Variants in HS3ST3A1 observed in about 807,000 individuals in gnomAD.
HS3ST3A1 encodes the protein heparan sulfate glucosamine 3-O-sulfotransferase 3A1.
HS3ST3A1 carries 19 observed loss-of-function variants against 25.7 expected under a neutral mutation model. That is an observed-to-expected ratio of 0.74 (90% CI 0.52 to 1.08). The LOEUF is 1.08. Ranked by LOEUF, HS3ST3A1 falls within the 50% of genes least tolerant of loss-of-function variation. The probability of loss-of-function intolerance (pLI) is 0.00; values close to 1 mark genes in which losing one functional copy is unlikely to be tolerated. For synonymous variants in HS3ST3A1, 226 were observed against 278.6 expected (o/e 0.81, Z 1.88); for missense variants, 459 against 594.3 (o/e 0.77, Z 2.37).
intron 1 of HS3ST3A1, among the ~76,000 whole-genome samples, chr17:13,502,210 C>T (rs1905501184): frequency 6.6e-6 from 1 of 152,136 alleles, no homozygotes; most frequent in Non-Finnish European, 1.5e-5. Context: ...CCACGATACA[C>T]ATGCTAAGTT....
At chr17:13,527,685 C>T (rs1207920229) in intron 1 of HS3ST3A1, among the ~76,000 whole-genome samples, 8 of 152,204 alleles carry the variant, frequency 5.3e-5, no homozygotes, top group African/African-American at 1.9e-4. Context: ...GAAAGGGAAA[C>T]AAACTCTGCT....
chr17:13,601,219 G>T lies in HS3ST3A1; in HGVS notation c.-90C>A, dbSNP rs1043900503. On this transcript the variant is annotated 5_prime_UTR_variant, in exon 1 of 2. Coordinates refer to ENST00000284110, the MANE Select transcript of HS3ST3A1 (RefSeq NM_006042.3). Reference sequence around the variant, plus strand: ...GAGCATCCCCCCGGCGGGCCAGCGCGCTGGACGGAGGCCACATCGCCGTGC... The same window carrying T: ...GAGCATCCCCCCGGCGGGCCAGCGCTCTGGACGGAGGCCACATCGCCGTGC... The T allele has an allele frequency of 1.0e-5, 10 of 998,048 alleles. No individual in the cohort carries two copies. The African/African-American group carries it at 1.7e-4, about 17-fold the overall frequency. 61.8% of individuals were successfully genotyped at this position (998,048 alleles called of 1,614,324 possible). A position where few individuals can be genotyped will look rare whatever the true frequency, so the allele number is the denominator to read the frequency against.
At chr17:13,583,127 G>A (rs1428604826) in intron 1 of HS3ST3A1, among the ~76,000 whole-genome samples, 2 of 151,964 alleles carry the variant, frequency 1.3e-5, no homozygotes, top group Non-Finnish European at 1.5e-5. Context: ...CAAACATTTC[G>A]GCATCTGTGA....
intron 1 of HS3ST3A1, among the ~76,000 whole-genome samples, chr17:13,541,517 A>G (rs554103855): frequency 1.1e-4 from 16 of 152,292 alleles, no homozygotes; most frequent in African/African-American, 3.4e-4. Context: ...CCACCTTCCC[A>G]AACACATTCT....
intron 1 of HS3ST3A1, among the ~76,000 whole-genome samples, chr17:13,501,228 C>T (rs112033786): frequency 6.6e-5 from 10 of 151,902 alleles, no homozygotes; most frequent in East Asian, 1.9e-4. Flanking sequence ...AACCGAACAA[C>T]GGTTAAAATG....
At chr17:13,563,183 A>G (rs1907592308) in intron 1 of HS3ST3A1, among the ~76,000 whole-genome samples, 1 of 151,956 alleles carries the variant, frequency 6.6e-6, no homozygotes, top group African/African-American at 2.4e-5. Flanking sequence ...GGAAAAAGGG[A>G]CAGTGATGAG....
intron 1 of HS3ST3A1, among the ~76,000 whole-genome samples, chr17:13,565,677 C>A (rs910827085): frequency 2.0e-5 from 3 of 152,200 alleles, no homozygotes; most frequent in Admixed American, 6.5e-5. Flanking sequence ...ATAGTCACAG[C>A]TCGTTTGGAT....
At chr17:13,548,792 ACACCAATCAGCACTCTGTAAAAAATG>A (rs1295651148) in intron 1 of HS3ST3A1, among the ~76,000 whole-genome samples, 1 of 152,138 alleles carries the variant, frequency 6.6e-6, no homozygotes, top group Non-Finnish European at 1.5e-5. Context: ...GTTTATAAAC[ACACCAATCAGCACTCTGTAAAAAATG>A]CACCAATCAG....
chr17:13,508,709 G>A (rs192520884), intron 1 of HS3ST3A1, among the ~76,000 whole-genome samples: 13 of 152,182 alleles, frequency 8.5e-5, no homozygotes, highest in Admixed American at 2.6e-4. Context: ...CCTAGGAGCC[G>A]GTGTGCTTCT....
At chr17:13,594,499 C>T (rs1908521549) in intron 1 of HS3ST3A1, among the ~76,000 whole-genome samples, 1 of 152,176 alleles carries the variant, frequency 6.6e-6, no homozygotes, top group Admixed American at 6.5e-5. Context: ...TCCTCCAGAG[C>T]CACACAGGGG....
intron 1 of HS3ST3A1, among the ~76,000 whole-genome samples, chr17:13,524,690 A>C (rs897563498): frequency 6.6e-6 from 1 of 152,186 alleles, no homozygotes; most frequent in Non-Finnish European, 1.5e-5. Context: ...ATCAATATCA[A>C]TTTCCTGGCT....
chr17:13,543,634 A>G (rs910224529), intron 1 of HS3ST3A1: 2 of 161,832 alleles, frequency 1.2e-5, no homozygotes, highest in African/African-American at 4.8e-5. Flanking sequence ...AACCTAATAC[A>G]TGCAGAATCA....
In HS3ST3A1 at chr17:13,595,945, T is replaced by C. The variant is rs145254925; in HGVS notation, c.599+4586A>G. 6.4e-4 allele frequency among the ~76,000 whole-genome samples: 98 copies of C among 152,290 alleles called. 1 individual carries two copies. Among genetic ancestry groups the C allele is most frequent in the African/African-American group, 2.2e-3 (92 of 41,546 alleles). On this transcript the variant is annotated intron_variant, in intron 1 of 1. Coordinates refer to ENST00000284110, the MANE Select transcript of HS3ST3A1 (RefSeq NM_006042.3). ...AGTAAGCATCTGGTCTATGTGAGGT[T>C]AGCCCCTATTGTCATTAATTACACA...
intron 1 of HS3ST3A1, among the ~76,000 whole-genome samples, chr17:13,532,906 TACACACAC>T (rs372721576): frequency 3.4e-5 from 5 of 146,588 alleles, no homozygotes; most frequent in Admixed American, 1.4e-4. Flanking sequence ...TATGTTTATA[TACACACAC>T]ACACACACAC....
intron 1 of HS3ST3A1, among the ~76,000 whole-genome samples, chr17:13,502,677 A>G (rs146824764): frequency 2.6e-5 from 4 of 152,290 alleles, no homozygotes; most frequent in African/African-American, 9.6e-5. Flanking sequence ...TTTTTAACCA[A>G]TGATATTTGG....
chr17:13,534,547 CAAA>C (rs34383911), intron 1 of HS3ST3A1, among the ~76,000 whole-genome samples: 617 of 32,784 alleles, frequency 0.019, 8 homozygotes, highest in East Asian at 0.073. Flanking sequence ...CTACAAAATC[CAAA>C]AAAAAAAAAA....
At chr17:13,554,231 A>G (rs1017021644) in intron 1 of HS3ST3A1, among the ~76,000 whole-genome samples, 1 of 152,210 alleles carries the variant, frequency 6.6e-6, no homozygotes, top group Non-Finnish European at 1.5e-5. Flanking sequence ...GTCCAGTTGC[A>G]AAGCCTAAGG....
At chr17:13,498,833 G>T (rs952435656) in intron 1 of HS3ST3A1, among the ~76,000 whole-genome samples, 1 of 152,008 alleles carries the variant, frequency 6.6e-6, no homozygotes, top group African/African-American at 2.4e-5. Flanking sequence ...AGTAATAAAC[G>T]TGTATGCCTT....
intron 1 of HS3ST3A1, among the ~76,000 whole-genome samples, chr17:13,533,530 T>TTTTTTTTTTTTTTTG (rs1195309406): frequency 4.0e-5 from 6 of 149,630 alleles, no homozygotes; most frequent in Non-Finnish European, 6.0e-5. Context: ...TACTAATTTT[T>TTTTTTTTTTTTTTTG]AAGGCAACTC....
Sources: gnomAD v4.1 joint callset for allele counts (sites outside exome capture counted in the v4.1 genomes callset) on GRCh38, gnomAD v4.1.1 for gene constraint, MANE v1.5 for transcripts, NCBI Gene and HGNC (gene_info 2026-07-23, HGNC 2026-07-21) for gene names.